IGSF5: variants seen among roughly 807,000 people sequenced by gnomAD.
IGSF5 encodes immunoglobulin superfamily 5 like.
A neutral mutation model predicts 39.4 loss-of-function variants in IGSF5; 41 were observed. The ratio of observed to expected loss-of-function variants is 1.04; its 90% CI spans 0.81 to 1.35. IGSF5 has a LOEUF of 1.35. Ranked by LOEUF, IGSF5 falls within the 40% of genes most tolerant of loss-of-function variation. The probability of loss-of-function intolerance (pLI) is 0.00; values close to 1 mark genes in which losing one functional copy is unlikely to be tolerated. For missense variants in IGSF5, 487 were observed against 494.6 expected (o/e 0.98, Z 0.15); for synonymous variants, 183 against 175.3 (o/e 1.04, Z -0.34).
At chr21:39,750,248 G>C (rs2079998401) in intron 2 of IGSF5, among the ~76,000 whole-genome samples, 1 of 152,148 alleles carries the variant, frequency 6.6e-6, no homozygotes, top group Admixed American at 6.5e-5. Flanking sequence ...TTGCTTCTTG[G>C]TCTTTAAATA....
At chr21:39,719,655 T>G in the IGSF5 span, among the ~76,000 whole-genome samples, 1 of 152,226 alleles carries the variant, frequency 6.6e-6, no homozygotes, top group South Asian at 2.1e-4. Flanking sequence ...GTGCATGCAA[T>G]ATACACCAAT....
At chr21:39,791,112 G>A (rs2086961905) in intron 6 of IGSF5, among the ~76,000 whole-genome samples, 2 of 152,274 alleles carry the variant, frequency 1.3e-5, no homozygotes, top group Middle Eastern at 3.4e-3. Flanking sequence ...GGGCCAGAAG[G>A]TAGCGTATCT....
At chr21:39,784,631 A>C (rs2080188119) in intron 5 of IGSF5, among the ~76,000 whole-genome samples, 1 of 145,870 alleles carries the variant, frequency 6.9e-6, no homozygotes, top group Non-Finnish European at 1.5e-5. Flanking sequence ...CCCCATTCAC[A>C]GTAAGTCCAG....
upstream of IGSF5, among the ~76,000 whole-genome samples, chr21:39,741,749 T>C (rs2079949650): frequency 3.3e-5 from 5 of 152,124 alleles, 1 homozygote; most frequent in South Asian, 1.0e-3. Context: ...AGTCAGGATG[T>C]ACAGGGATGC....
chr21:39,771,387 C>T (rs902076647), intron 4 of IGSF5, among the ~76,000 whole-genome samples, 172 bp downstream of exon 4: 2 of 152,212 alleles, frequency 1.3e-5, no homozygotes, highest in African/African-American at 2.4e-5. Flanking sequence ...CTTATACCCT[C>T]GTCTGCTTTT....
the IGSF5 span, among the ~76,000 whole-genome samples, chr21:39,715,006 T>TCTTCCTTC: frequency 1.7e-4 from 25 of 151,392 alleles, no homozygotes; most frequent in South Asian, 2.7e-3. Context: ...GGGCCAGGAC[T>TCTTCCTTC]CTTCCTTCCT....
chr21:39,796,562 A>G (rs1169669919), intron 8 of IGSF5, among the ~76,000 whole-genome samples: 3 of 152,208 alleles, frequency 2.0e-5, no homozygotes, highest in Admixed American at 1.3e-4. Context: ...TCCTCTCCGC[A>G]TGCCTCAGTA....
intron 8 of IGSF5, among the ~76,000 whole-genome samples, chr21:39,795,240 A>G (rs746790185): frequency 3.3e-5 from 5 of 152,148 alleles, no homozygotes; most frequent in Non-Finnish European, 7.4e-5. Context: ...GGAAGGGACG[A>G]TGATGCAACA....
At chr21:39,713,172 A>T in the IGSF5 span, among the ~76,000 whole-genome samples, 1 of 152,192 alleles carries the variant, frequency 6.6e-6, no homozygotes, top group Non-Finnish European at 1.5e-5. Context: ...CACAGGAGTT[A>T]ACTGAAGGGA....
chr21:39,765,212 C>A (rs2080080276), intron 2 of IGSF5, among the ~76,000 whole-genome samples: 1 of 152,182 alleles, frequency 6.6e-6, no homozygotes. Flanking sequence ...ATCTTGAGAT[C>A]CTTACCTAAT....
At chr21:39,722,796 C>G in the IGSF5 span, among the ~76,000 whole-genome samples, 5 of 152,120 alleles carry the variant, frequency 3.3e-5, no homozygotes, top group Non-Finnish European at 5.9e-5. Context: ...ATTTACTTGT[C>G]TGTTTTCTCT....
At chr21:39,789,740 TTAAC>T (rs540767684) in intron 6 of IGSF5, among the ~76,000 whole-genome samples, 103 of 152,334 alleles carry the variant, frequency 6.8e-4, no homozygotes, top group African/African-American at 2.2e-3. Flanking sequence ...GTAATTATTG[TTAAC>T]TAACTATGTA....
chr21:39,755,209 C>T (rs186238790), intron 2 of IGSF5, among the ~76,000 whole-genome samples: 19 of 152,210 alleles, frequency 1.2e-4, no homozygotes, highest in South Asian at 6.2e-4. Context: ...TATAACTGGA[C>T]GACTCAATTT....
intron 2 of IGSF5, among the ~76,000 whole-genome samples, chr21:39,754,624 C>A (rs1338419497): frequency 6.6e-6 from 1 of 152,058 alleles, no homozygotes; most frequent in Non-Finnish European, 1.5e-5. Flanking sequence ...GTGGCTAAAT[C>A]CTGTCTATTT....
intron 4 of IGSF5, among the ~76,000 whole-genome samples, chr21:39,774,993 A>T (rs2837206): frequency 0.6 from 90,594 of 152,070 alleles, 29,408 homozygotes; most frequent in Non-Finnish European, 0.72. Flanking sequence ...CAGAGACAGC[A>T]GAGGAGCCTT....
intron 2 of IGSF5, among the ~76,000 whole-genome samples, chr21:39,750,554 G>A (rs1484194295): frequency 1.3e-5 from 2 of 150,542 alleles, no homozygotes; most frequent in African/African-American, 4.9e-5. Flanking sequence ...TGAACATCAG[G>A]TTCTTGGGAC....
chr21:39,759,625 G>C (rs1436331840), intron 2 of IGSF5, among the ~76,000 whole-genome samples: 4 of 152,218 alleles, frequency 2.6e-5, no homozygotes, highest in East Asian at 3.9e-4. Context: ...CCAGCACTAT[G>C]GGAGGCTGAG....
At chr21:39,711,963 C>G in the IGSF5 span, among the ~76,000 whole-genome samples, 1 of 152,164 alleles carries the variant, frequency 6.6e-6, no homozygotes, top group Non-Finnish European at 1.5e-5. Flanking sequence ...TGTAATGAGA[C>G]TCTCGCTGTG....
the IGSF5 span, among the ~76,000 whole-genome samples, chr21:39,725,082 G>T: frequency 1.3e-5 from 2 of 152,206 alleles, no homozygotes; most frequent in Non-Finnish European, 2.9e-5. Flanking sequence ...ATGCTATTCT[G>T]TTCTCTGCTA....
Sources: gnomAD v4.1 joint callset for allele counts (sites outside exome capture counted in the v4.1 genomes callset) on GRCh38, gnomAD v4.1.1 for gene constraint, MANE v1.5 for transcripts, NCBI Gene and HGNC (gene_info 2026-07-23, HGNC 2026-07-21) for gene names.